Variants in TGFBRAP1 observed in about 807,000 individuals in gnomAD.
TGFBRAP1 encodes the protein transforming growth factor beta receptor associated protein 1.
A neutral mutation model predicts 83.2 loss-of-function variants in TGFBRAP1; 20 were observed. That is an observed-to-expected ratio of 0.24 (90% CI 0.17 to 0.35). TGFBRAP1 has a LOEUF of 0.35. TGFBRAP1 is among the 10% of genes least tolerant of loss of function. The pLI is 1.00. For synonymous variants in TGFBRAP1, 415 were observed against 459.8 expected (o/e 0.90, Z 1.25); for missense variants, 950 against 1,099.4 (o/e 0.86, Z 1.92).
At chr2:105,272,759 CA>C in intron 10 of TGFBRAP1, 95 bp downstream of exon 10, 2 of 1,490,890 alleles carry the variant, frequency 1.3e-6, no homozygotes, top group Non-Finnish European at 1.8e-6. Context: ...CCTGTGCAAT[CA>C]ACCAGCAGCT....
intron 4 of TGFBRAP1, among the ~76,000 whole-genome samples, chr2:105,293,590 CACAA>C (rs1297737322): frequency 1.3e-5 from 2 of 152,200 alleles, no homozygotes; most frequent in African/African-American, 4.8e-5. Context: ...AGCATGTGGT[CACAA>C]ACACTCTAAG....
intron 8 of TGFBRAP1, among the ~76,000 whole-genome samples, chr2:105,273,972 C>T (rs1677248266): frequency 6.6e-6 from 1 of 152,212 alleles, no homozygotes; most frequent in Admixed American, 6.5e-5. Context: ...CCTCCTCACA[C>T]ACCCCATGCA....
chr2:105,309,541 T>C (rs1376263739), intron 1 of TGFBRAP1, among the ~76,000 whole-genome samples: 5 of 152,218 alleles, frequency 3.3e-5, no homozygotes, highest in Non-Finnish European at 7.3e-5. Flanking sequence ...AGAGAACTTC[T>C]TTGGTGCCTT....
chr2:105,257,817 C>T, the TGFBRAP1 span, among the ~76,000 whole-genome samples: 7 of 152,300 alleles, frequency 4.6e-5, no homozygotes, highest in East Asian at 5.8e-4. Context: ...GACAGACCAA[C>T]AAGCAAAGCT....
the TGFBRAP1 span, among the ~76,000 whole-genome samples, chr2:105,250,627 CTCTCCCTCTCCCCACGG>C: frequency 9.7e-4 from 144 of 147,900 alleles, no homozygotes; most frequent in Middle Eastern, 3.5e-3. Context: ...CTCCCTCTCC[CTCTCCCTCTCCCCACGG>C]TCTCCCTCTC....
chr2:105,283,914 C>CT (rs1180442755), intron 5 of TGFBRAP1, among the ~76,000 whole-genome samples: 2 of 152,320 alleles, frequency 1.3e-5, no homozygotes, highest in East Asian at 3.9e-4. Flanking sequence ...GAAGCACTGT[C>CT]TTTTCCCCCC....
At chr2:105,290,820 C>T (rs1208859141) in intron 4 of TGFBRAP1, among the ~76,000 whole-genome samples, 1 of 152,134 alleles carries the variant, frequency 6.6e-6, no homozygotes, top group Non-Finnish European at 1.5e-5. Flanking sequence ...GCCTAGCCAA[C>T]ATGGTGAAAC....
At chr2:105,317,090 C>T (rs1678908834) in intron 1 of TGFBRAP1, among the ~76,000 whole-genome samples, 1 of 152,036 alleles carries the variant, frequency 6.6e-6, no homozygotes. Flanking sequence ...CTTGTATGTC[C>T]ATAGGAATAC....
intron 10 of TGFBRAP1, among the ~76,000 whole-genome samples, chr2:105,270,014 CAGTG>C (rs1340344731): frequency 1.3e-5 from 2 of 152,172 alleles, no homozygotes; most frequent in Admixed American, 1.3e-4. Flanking sequence ...CCCAGTGGCT[CAGTG>C]AGTATCAGCC....
intron 5 of TGFBRAP1, among the ~76,000 whole-genome samples, chr2:105,282,409 G>A (rs1217018422): frequency 1.3e-5 from 2 of 152,246 alleles, no homozygotes; most frequent in East Asian, 1.9e-4. Context: ...GCACGGCACT[G>A]AGGAGTCAGA....
intron 4 of TGFBRAP1, among the ~76,000 whole-genome samples, chr2:105,292,183 C>G (rs1450900829): frequency 6.6e-6 from 1 of 152,208 alleles, no homozygotes; most frequent in East Asian, 1.9e-4. Context: ...CAATGGTGAG[C>G]ATTCCACACA....
chr2:105,287,703 T>C (rs975836289), intron 4 of TGFBRAP1, among the ~76,000 whole-genome samples: 1 of 151,122 alleles, frequency 6.6e-6, no homozygotes, highest in African/African-American at 2.4e-5. Flanking sequence ...ACACAATAAA[T>C]GTTGTCTGTC....
chr2:105,262,911 G>T (rs6749541), downstream of TGFBRAP1, among the ~76,000 whole-genome samples: 1 of 152,088 alleles, frequency 6.6e-6, no homozygotes, highest in Non-Finnish European at 1.5e-5. Flanking sequence ...GAAGGTGAAA[G>T]GGCCTCTAGT....
intron 5 of TGFBRAP1, 38 bp from the exon 6 acceptor site, chr2:105,280,761 G>C: frequency 2.5e-6 from 4 of 1,575,606 alleles, no homozygotes; most frequent in Non-Finnish European, 3.4e-6. Context: ...AGCAAAAAGA[G>C]AGAAGAGTAC....
intron 2 of TGFBRAP1, among the ~76,000 whole-genome samples, chr2:105,303,618 G>A (rs1678380300): frequency 1.3e-5 from 2 of 152,210 alleles, no homozygotes; most frequent in South Asian, 4.1e-4. Flanking sequence ...AGACAGAAGA[G>A]ATCCCCATAT....
chr2:105,306,054 G>GTT (rs975153596), intron 2 of TGFBRAP1, among the ~76,000 whole-genome samples: 2 of 111,070 alleles, frequency 1.8e-5, no homozygotes, highest in Admixed American at 9.5e-5. Context: ...CTGGTTTTTT[G>GTT]TTTTTTGTTT....
At chr2:105,298,406 A>C (rs1678155567) in intron 3 of TGFBRAP1, 105 bp downstream of exon 3, 4 of 1,249,900 alleles carry the variant, frequency 3.2e-6, no homozygotes, top group Non-Finnish European at 4.4e-6. Context: ...TCATCTGTGT[A>C]TCTTTTATGC....
intron 1 of TGFBRAP1, among the ~76,000 whole-genome samples, chr2:105,309,371 T>C (rs1336780587): frequency 1.3e-5 from 2 of 152,228 alleles, no homozygotes; most frequent in African/African-American, 2.4e-5. Context: ...AGTGAAAGGC[T>C]GCTATCACTG....
chr2:105,299,642 C>T (rs962655559), intron 2 of TGFBRAP1, among the ~76,000 whole-genome samples: 1 of 151,946 alleles, frequency 6.6e-6, no homozygotes, highest in Non-Finnish European at 1.5e-5. Context: ...TGTCTATAAT[C>T]CCAGCTACTT....
Sources: gnomAD v4.1 joint callset for allele counts (sites outside exome capture counted in the v4.1 genomes callset) on GRCh38, gnomAD v4.1.1 for gene constraint, MANE v1.5 for transcripts, NCBI Gene and HGNC (gene_info 2026-07-23, HGNC 2026-07-21) for gene names.